ADAMTS20: variants seen among roughly 807,000 people sequenced by gnomAD.
ADAMTS20 encodes A disintegrin and metalloproteinase with thrombospondin motifs 20.
ADAMTS20 carries 225 observed loss-of-function variants against 260.1 expected under a neutral mutation model. That is an observed-to-expected ratio of 0.87 (90% CI 0.78 to 0.97). ADAMTS20 has a LOEUF of 0.97. Among genes scored for constraint, ADAMTS20 ranks in the 50% least tolerant of loss-of-function variants. The pLI, the probability that ADAMTS20 is intolerant of heterozygous loss-of-function variation, is 0.00. For synonymous variants in ADAMTS20, 802 were observed against 769.5 expected (o/e 1.04, Z -0.70); for missense variants, 2,400 against 2,337.7 (o/e 1.03, Z -0.55).
At position 43,425,573 on chromosome 12, in the gene ADAMTS20, G is replaced by A. The variant is rs1565691600; in HGVS notation, c.4225C>T (p.Gln1409Ter). The change falls in exon 28 of 39, where the codon CAG (glutamine) becomes TAG (stop). Residue 1409 changes from glutamine (Q) to a stop codon, truncating the protein, a stop_gained. Coordinates refer to ENST00000389420, the MANE Select transcript of ADAMTS20 (RefSeq NM_025003.5). LOFTEE classifies it high-confidence loss of function. ...GCAGGGCAAGCATGCATATGACACTGTATTACGCTAGGTGGCTTGTTTACA... is the reference window on the plus strand; with the variant it reads ...GCAGGGCAAGCATGCATATGACACTATATTACGCTAGGTGGCTTGTTTACA... ...EIVNKPPSVI[Q>*]CHMHACPADV... 1 of 1,607,910 alleles carries A rather than the reference G, an allele frequency of 6.2e-7. No individual in the cohort carries two copies. Among genetic ancestry groups the A allele is most frequent in the South Asian group, 1.1e-5 (1 of 90,116 alleles).
intron 28 of ADAMTS20, among the ~76,000 whole-genome samples, chr12:43,418,358 G>C (rs1169137751): frequency 6.6e-6 from 1 of 152,166 alleles, no homozygotes; most frequent in African/African-American, 2.4e-5. Flanking sequence ...TCGCCAGGCT[G>C]GAGTGCAATG....
chr12:43,436,541 T>C (rs1349758251), intron 18 of ADAMTS20, among the ~76,000 whole-genome samples: 4 of 152,210 alleles, frequency 2.6e-5, no homozygotes, highest in African/African-American at 9.7e-5. Context: ...TATTTTACGT[T>C]CTTTTTTCAT....
intron 3 of ADAMTS20, among the ~76,000 whole-genome samples, chr12:43,504,148 A>G (rs1162176109): frequency 6.6e-6 from 1 of 152,028 alleles, no homozygotes; most frequent in Non-Finnish European, 1.5e-5. Context: ...TGCTTTCCAC[A>G]GTGGCTGAGC....
At chr12:43,461,238 G>A (rs1224006946) in intron 11 of ADAMTS20, among the ~76,000 whole-genome samples, 1 of 151,344 alleles carries the variant, frequency 6.6e-6, no homozygotes, top group Non-Finnish European at 1.5e-5. Context: ...TGATCCGCCT[G>A]CCTCGGTCTC....
At chr12:43,448,853 A>C (rs1941809876) in intron 14 of ADAMTS20, among the ~76,000 whole-genome samples, 2 of 152,232 alleles carry the variant, frequency 1.3e-5, no homozygotes, top group South Asian at 2.1e-4. Context: ...TTTTAAGAGA[A>C]GACATACATG....
In ADAMTS20 at chr12:43,551,260, C is replaced by T; in HGVS notation, c.102G>A (p.Val34=). 2 of 1,610,622 alleles carry T rather than the reference C, an allele frequency of 1.2e-6. No homozygotes were observed. The stretch of plus-strand genomic sequence containing the variant: ...CTACTTCGTAGGAGGTCAGTGTCCT[C>T]ACCAGGGCTTCTGCAACAACAGCGA... The part of the protein sequence containing the change: ...VDFHPRQEAL[V]RTLTSYEVVI... The change falls in exon 2 of 39, where the codon GTG becomes GTA. Residue 34 remains valine, a synonymous_variant. Coordinates refer to ENST00000389420, the MANE Select transcript of ADAMTS20 (RefSeq NM_025003.5). The surrounding 1 kb of genome is among the most constrained non-coding windows in gnomAD (Gnocchi z 4.6).
chr12:43,421,282 C>CACACACAAA (rs368419833), intron 28 of ADAMTS20, among the ~76,000 whole-genome samples: 1 of 118,892 alleles, frequency 8.4e-6, no homozygotes, highest in Non-Finnish European at 1.8e-5. Context: ...CTTTCATTTA[C>CACACACAAA]AAAAAAAAAA....
At chr12:43,469,121 A>G (rs1340371591) in intron 7 of ADAMTS20, among the ~76,000 whole-genome samples, 1 of 152,100 alleles carries the variant, frequency 6.6e-6, no homozygotes, top group East Asian at 1.9e-4. Flanking sequence ...CAAATCTATG[A>G]AGTTTCTTTA....
chr12:43,439,685 T>G lies in ADAMTS20; in HGVS notation c.2530A>C (p.Arg844=). The part of the protein sequence containing the change: ...HYSFNIPLEE[R]SDMFTWDPYG... ...GGGTCCCATGTGAACATGTCACTCC[T>G]CTCTTCCAAAGGGATATTGAAGGAA... The change falls in exon 18 of 39, where the codon AGG becomes CGG. Residue 844 remains arginine, a synonymous_variant. Coordinates refer to ENST00000389420, the MANE Select transcript of ADAMTS20 (RefSeq NM_025003.5). The G allele has an allele frequency of 6.2e-7, 1 of 1,613,820 alleles. No individual in the cohort carries two copies.
intron 31 of ADAMTS20, among the ~76,000 whole-genome samples, chr12:43,381,191 C>T (rs1001397378): frequency 6.6e-6 from 1 of 152,228 alleles, no homozygotes; most frequent in Non-Finnish European, 1.5e-5. Context: ...CCCTACCTCA[C>T]ATCACATACA....
intron 16 of ADAMTS20, among the ~76,000 whole-genome samples, chr12:43,442,594 A>G (rs1280585040): frequency 6.6e-6 from 1 of 152,140 alleles, no homozygotes; most frequent in East Asian, 1.9e-4. Flanking sequence ...ATAACCTGTG[A>G]TCCAGTCCCA....
At chr12:43,496,356 C>T (rs1258813881) in intron 4 of ADAMTS20, among the ~76,000 whole-genome samples, 1 of 152,114 alleles carries the variant, frequency 6.6e-6, no homozygotes, top group Non-Finnish European at 1.5e-5. Flanking sequence ...GCAAACAGAA[C>T]CCAATTTTCA....
intron 14 of ADAMTS20, among the ~76,000 whole-genome samples, chr12:43,451,446 C>A (rs1468868360): frequency 6.6e-6 from 1 of 151,812 alleles, no homozygotes; most frequent in Admixed American, 6.6e-5. Context: ...AATCACATCT[C>A]TCCCTTGACT....
intron 31 of ADAMTS20, among the ~76,000 whole-genome samples, chr12:43,381,336 A>G (rs1049967657): frequency 6.6e-6 from 1 of 152,178 alleles, no homozygotes; most frequent in Non-Finnish European, 1.5e-5. Context: ...TTAAAGCCAA[A>G]GAACTAAAAC....
intron 28 of ADAMTS20, among the ~76,000 whole-genome samples, chr12:43,401,231 AGATGAATGGTCTTATGTGTAT>A (rs1940803400): frequency 6.6e-6 from 1 of 151,986 alleles, no homozygotes; most frequent in Admixed American, 6.6e-5. Context: ...TGATGGACAA[AGATGAATGGTCTTATGTGTAT>A]GTTTGATATG....
intron 37 of ADAMTS20, among the ~76,000 whole-genome samples, chr12:43,362,830 GA>G (rs796818223): frequency 0.044 from 3,946 of 88,962 alleles, 129 homozygotes; most frequent in African/African-American, 0.12. Flanking sequence ...AGTATAATTA[GA>G]AAAAAAAAAA....
chr12:43,404,599 T>C (rs938976974), intron 28 of ADAMTS20, among the ~76,000 whole-genome samples: 2 of 152,312 alleles, frequency 1.3e-5, no homozygotes, highest in South Asian at 4.1e-4. Flanking sequence ...GTAGTAAATA[T>C]CCATTTCATT....
At chr12:43,501,670 T>C (rs753019661) in intron 4 of ADAMTS20, among the ~76,000 whole-genome samples, 1 of 152,124 alleles carries the variant, frequency 6.6e-6, no homozygotes, top group Non-Finnish European at 1.5e-5. Context: ...GTTAGGACTG[T>C]TGCATTAGTA....
intron 18 of ADAMTS20, among the ~76,000 whole-genome samples, chr12:43,435,541 A>C (rs1215533763): frequency 1.3e-5 from 2 of 151,272 alleles, no homozygotes; most frequent in African/African-American, 4.9e-5. Flanking sequence ...CGGGAGGCTG[A>C]GACAGGAGAA....
Sources: allele counts gnomAD v4.1 joint callset (sites outside exome capture counted in the v4.1 genomes callset), GRCh38; gene constraint gnomAD v4.1.1; non-coding constraint Gnocchi (gnomAD v3.1); transcripts MANE v1.5; gene names NCBI Gene and HGNC (gene_info 2026-07-23, HGNC 2026-07-21).